RFTN1: variants seen among roughly 807,000 people sequenced by gnomAD.
RFTN1 encodes the protein raftlin, lipid raft linker 1.
Under a neutral mutation model 46.5 loss-of-function variants are expected in RFTN1, and 26 were observed. That is an observed-to-expected ratio of 0.56 (90% CI 0.41 to 0.78). RFTN1 has a LOEUF of 0.78. Ranked by LOEUF, RFTN1 falls within the 30% of genes least tolerant of loss-of-function variation. RFTN1 has a pLI of 0.00. For synonymous variants in RFTN1, 261 were observed against 284.2 expected, an observed-to-expected ratio of 0.92 and a Z score of 0.82; for missense variants, 693 against 718.7, an observed-to-expected ratio of 0.96 and a Z score of 0.41.
At chr3:16,326,267 C>T (rs898247393) in intron 8 of RFTN1, among the ~76,000 whole-genome samples, 2 of 152,252 alleles carry the variant, frequency 1.3e-5, no homozygotes, top group African/African-American at 4.8e-5. Flanking sequence ...AAAGGCAGGC[C>T]TTTACAGCCC....
At chr3:16,325,269 A>G (rs966463050) in intron 8 of RFTN1, among the ~76,000 whole-genome samples, 1 of 152,220 alleles carries the variant, frequency 6.6e-6, no homozygotes, top group Non-Finnish European at 1.5e-5. Flanking sequence ...AGCAGGCTGG[A>G]GATCACACAG....
Position 16,413,322 on chromosome 3 carries a change from C to G in RFTN1, c.333-3839G>C, listed in dbSNP as rs1195598991. The stretch of plus-strand genomic sequence containing the variant: ...AGAAGTGGACATGTCCTAGAAGTGA[C>G]CTCCAGGGCTGTGGCCTGGTTGTCC... On this transcript the variant is annotated intron_variant, in intron 3 of 9. Coordinates refer to ENST00000334133, the MANE Select transcript of RFTN1 (RefSeq NM_015150.2). The surrounding 1 kb of genome is among the most constrained non-coding windows in gnomAD (Gnocchi z 4.7). 2.6e-5 allele frequency among the ~76,000 whole-genome samples: 4 copies of G among 152,338 alleles called. No homozygotes were observed. The highest frequency in any genetic ancestry group is 9.6e-5 in the African/African-American group (4 of 41,584).
In RFTN1 at chr3:16,447,906, C is replaced by T. The variant is rs558517494; in HGVS notation, c.146-13869G>A. Among the ~76,000 whole-genome samples the T allele has an allele frequency of 4.6e-5, 7 of 152,296 alleles. No individual in the cohort carries two copies. The highest frequency in any genetic ancestry group is 1.7e-4 in the African/African-American group (7 of 41,576). ...AGGTTACGCATGAGGATCTGATAGG[C>T]ATTTGTGTGCTTATAAGGAATCTTT... On this transcript the variant is annotated intron_variant, in intron 2 of 9. Coordinates refer to ENST00000334133, the MANE Select transcript of RFTN1 (RefSeq NM_015150.2). This position sits in a 1 kb window ranked among gnomAD's most constrained non-coding sequence, Gnocchi z 5.9.
At chr3:16,490,785 A>G (rs2076528398) in intron 2 of RFTN1, among the ~76,000 whole-genome samples, 1 of 152,268 alleles carries the variant, frequency 6.6e-6, no homozygotes. Flanking sequence ...AAATTATGGT[A>G]CACTGAGTGA....
intron 7 of RFTN1, among the ~76,000 whole-genome samples, chr3:16,332,172 A>ATTT: frequency 6.6e-6 from 1 of 151,652 alleles, no homozygotes; most frequent in East Asian, 1.9e-4. Context: ...TGAAAAATGT[A>ATTT]TTTTTCCCCC....
In RFTN1 at chr3:16,345,764, G is replaced by A. The variant is rs1052340353; in HGVS notation, c.1146+12168C>T. On this transcript the variant is annotated intron_variant, in intron 7 of 9. Transcript: ENST00000334133. This position sits in a 1 kb window ranked among gnomAD's most constrained non-coding sequence, Gnocchi z 5.2. ...GACTCCTCAGCCTCCATAATCACAT[G>A]AGCCAAAACCTTATAATAAATCTCT... Among the ~76,000 whole-genome samples the A allele has an allele frequency of 6.7e-6, 1 of 149,232 alleles. No homozygotes were observed. Among genetic ancestry groups the A allele is most frequent in the Non-Finnish European group, 1.5e-5 (1 of 67,124 alleles).
rs1442598679 is a variant in RFTN1, at chr3:16,353,690, G to C, written c.1146+4242C>G. On this transcript the variant is annotated intron_variant, in intron 7 of 9. Transcript: ENST00000334133. The surrounding 1 kb of genome is among the most constrained non-coding windows in gnomAD (Gnocchi z 5.4). ...TAAGGTTAAATGAAGTCATACGCAT[G>C]GGACCCTGATTGAACAGGATTAGTG... Among the ~76,000 whole-genome samples, 3 of 152,150 alleles carry C rather than the reference G, an allele frequency of 2.0e-5. No homozygotes were observed. The East Asian group carries it at 5.8e-4, about 29-fold the overall frequency.
chr3:16,333,888 G>A (rs1024342678), intron 7 of RFTN1, among the ~76,000 whole-genome samples: 11 of 152,328 alleles, frequency 7.2e-5, no homozygotes, highest in South Asian at 2.1e-4. Context: ...ACTACCAGCC[G>A]GGCGTGGTGG....
rs183453458 is a variant in RFTN1 at position 16,351,707 on chromosome 3, A to G, written c.1146+6225T>C. 2.0e-5 allele frequency among the ~76,000 whole-genome samples: 3 copies of G among 152,294 alleles called. No individual in the cohort carries two copies. In the East Asian group the frequency reaches 5.8e-4, roughly 29 times the overall value. On this transcript the variant is annotated intron_variant, in intron 7 of 9. Coordinates refer to ENST00000334133, the MANE Select transcript of RFTN1 (RefSeq NM_015150.2). This position sits in a 1 kb window ranked among gnomAD's most constrained non-coding sequence, Gnocchi z 5.4. ...GTATATAAGTTAGACCCATTATCCT[A>G]ATTACATGTCTTAATTTAAATGATT...
intron 2 of RFTN1, among the ~76,000 whole-genome samples, chr3:16,434,399 C>CAAA (rs761065705): frequency 1.3e-4 from 15 of 112,172 alleles, no homozygotes; most frequent in East Asian, 6.3e-4. Context: ...CAAACAAAAA[C>CAAA]AAAAAAACCC....
chr3:16,455,796 C>A (rs532686151), intron 2 of RFTN1, among the ~76,000 whole-genome samples: 2 of 152,234 alleles, frequency 1.3e-5, no homozygotes, highest in South Asian at 2.1e-4. Flanking sequence ...CAACGGATAT[C>A]CTAGTCAACA....
In RFTN1 at chr3:16,433,943, C is replaced by A. The variant is rs200870463; in HGVS notation, c.240G>T (p.Ala80=). ...TGGGCTGCACGAAGGGGTGCAGGGC[C>A]GCCAGCGAGAAGCCCTGCTGGTACA... The part of the protein sequence containing the change: ...LELYQQGFSL[A]ALHPFVQPTH... The change falls in exon 3 of 10, where the codon GCG becomes GCT. Residue 80 remains alanine (A), a synonymous_variant. Coordinates refer to ENST00000334133, the MANE Select transcript of RFTN1 (RefSeq NM_015150.2). The surrounding 1 kb of genome is among the most constrained non-coding windows in gnomAD (Gnocchi z 4.4). 1 of 1,614,106 alleles carries A rather than the reference C, an allele frequency of 6.2e-7. No homozygotes were observed. Among genetic ancestry groups the A allele is most frequent in the African/African-American group, 1.3e-5 (1 of 75,044 alleles).
Position 16,442,636 on chromosome 3 carries a change from G to A in RFTN1, c.146-8599C>T, listed in dbSNP as rs1190253994. ...CCTGAGCAGATCTCCAGTACGCGAT[G>A]TTATTAGCTATAGTCCCCATGTTGT... On this transcript the variant is annotated intron_variant, in intron 2 of 9. Coordinates refer to ENST00000334133, the MANE Select transcript of RFTN1 (RefSeq NM_015150.2). This position sits in a 1 kb window ranked among gnomAD's most constrained non-coding sequence, Gnocchi z 4.1. Among the ~76,000 whole-genome samples the A allele has an allele frequency of 1.3e-5, 2 of 152,204 alleles. No individual in the cohort carries two copies. Among genetic ancestry groups the A allele is most frequent in the Middle Eastern group, 6.8e-3 (2 of 294 alleles).
intron 5 of RFTN1, among the ~76,000 whole-genome samples, chr3:16,375,401 C>A (rs1317210985): frequency 6.6e-6 from 1 of 151,766 alleles, no homozygotes; most frequent in African/African-American, 2.4e-5. Context: ...AGGTGACACT[C>A]CCTATTTGTA....
intron 3 of RFTN1, among the ~76,000 whole-genome samples, chr3:16,417,708 G>A (rs1201639179): frequency 2.0e-5 from 3 of 152,166 alleles, no homozygotes; most frequent in Non-Finnish European, 4.4e-5. Context: ...AAACTCAAAC[G>A]CCCATGGGCA....
rs772663524 is a variant in RFTN1, at chr3:16,334,407, C to T, written c.1147-7531G>A. ...TCCCTTTGACCCAACAATCTCACTT[C>T]TGGGAATTTAACCTACGTATTAAAA... is the stretch of plus-strand genomic sequence containing the variant. On this transcript the variant is annotated intron_variant, in intron 7 of 9. Coordinates refer to ENST00000334133, the MANE Select transcript of RFTN1 (RefSeq NM_015150.2). This position sits in a 1 kb window ranked among gnomAD's most constrained non-coding sequence, Gnocchi z 4.3. Among the ~76,000 whole-genome samples, 3 of 152,184 alleles carry T rather than the reference C, an allele frequency of 2.0e-5. No individual in the cohort carries two copies. The highest frequency in any genetic ancestry group is 4.4e-5 in the Non-Finnish European group (3 of 68,040).
At chr3:16,467,564 G>T (rs1236507773) in intron 2 of RFTN1, among the ~76,000 whole-genome samples, 5 of 152,202 alleles carry the variant, frequency 3.3e-5, no homozygotes, top group African/African-American at 1.2e-4. Flanking sequence ...CCTTCTGTAA[G>T]AGAGTGGGCA....
At chr3:16,467,720 C>A (rs889318183) in intron 2 of RFTN1, among the ~76,000 whole-genome samples, 7 of 152,152 alleles carry the variant, frequency 4.6e-5, no homozygotes, top group Non-Finnish European at 1.0e-4. Flanking sequence ...ACATCAAAAG[C>A]TTCAGGGGCA....
chr3:16,478,082 C>T (rs183955346), intron 2 of RFTN1, among the ~76,000 whole-genome samples: 14 of 152,328 alleles, frequency 9.2e-5, no homozygotes, highest in African/African-American at 3.1e-4. Flanking sequence ...CCATCGCTCC[C>T]ATCTCCCAGG....
Sources: allele counts gnomAD v4.1 joint callset (sites outside exome capture counted in the v4.1 genomes callset), GRCh38; gene constraint gnomAD v4.1.1; non-coding constraint Gnocchi (gnomAD v3.1); transcripts MANE v1.5; gene names NCBI Gene and HGNC (gene_info 2026-07-23, HGNC 2026-07-21).